NBPF11: variants seen among roughly 807,000 people sequenced by gnomAD.
The protein encoded by NBPF11 is NBPF member 11.
A neutral mutation model predicts 93.9 loss-of-function variants in NBPF11; 72 were observed. The observed-to-expected ratio is 0.77, with a 90% confidence interval of 0.63 to 0.93. The LOEUF (loss-of-function observed/expected upper bound fraction) is 0.93, where lower values mean the gene tolerates loss of function less well. Among genes scored for constraint, NBPF11 ranks in the 40% least tolerant of loss-of-function variants. The probability of loss-of-function intolerance (pLI) is 0.00; values close to 1 mark genes in which losing one functional copy is unlikely to be tolerated. For synonymous variants in NBPF11, 224 were observed against 304.9 expected, an observed-to-expected ratio of 0.73 and a Z score of 2.76; for missense variants, 705 against 802.2, an observed-to-expected ratio of 0.88 and a Z score of 1.46.
intron 16 of NBPF11, 34 bp from the exon 17 acceptor site, chr1:148,109,369 A>C: frequency 1.0e-6 from 1 of 993,930 alleles, no homozygotes; most frequent in East Asian, 2.4e-5. Context: ...CTCTTACATT[A>C]AGCAGTTCTT....
rs1664066235 is a variant in NBPF11 at position 148,107,704 on chromosome 1, A to C, written c.2078+7T>G. ...AGAATTAAGCATCCATAATTGCTCA[A>C]AGTTACCTGGGGCATGATGGGTCTT... On this transcript the variant is annotated splice_region_variant and intron_variant, in intron 19 of 23. Transcript: ENST00000682118. 1 of 783,996 alleles carries C rather than the reference A, an allele frequency of 1.3e-6. No individual in the cohort carries two copies. The highest frequency in any genetic ancestry group is 1.7e-5 in the African/African-American group (1 of 59,120). 48.6% of individuals were successfully genotyped at this position (783,996 alleles called of 1,614,324 possible).
intron 4 of NBPF11, among the ~76,000 whole-genome samples, chr1:148,129,102 A>G (rs1459404373): frequency 8.9e-6 from 1 of 112,556 alleles, no homozygotes; most frequent in Non-Finnish European, 1.9e-5. Context: ...ATATATATAT[A>G]TAATATATAT....
In NBPF11 at chr1:148,103,880, G is replaced by A; in HGVS notation, c.*16C>T. 6.2e-7 allele frequency: 1 copy of A among 1,611,168 alleles called. No individual in the cohort carries two copies. The highest frequency in any genetic ancestry group is 8.5e-7 in the Non-Finnish European group (1 of 1,179,280). On this transcript the variant is annotated 3_prime_UTR_variant, in exon 24 of 24. Coordinates refer to ENST00000682118, the MANE Select transcript of NBPF11 (RefSeq NM_001385469.3). The stretch of plus-strand genomic sequence containing the variant: ...ATCCAGTGAGTCCTGTAAGACTTCA[G>A]GCACTTCCACTTCCATCAGCACGCT...
At chr1:148,146,757 C>A in intron 1 of NBPF11, 2 of 1,612,980 alleles carry the variant, frequency 1.2e-6, no homozygotes, top group Non-Finnish European at 1.7e-6. Flanking sequence ...ACGGCAATGC[C>A]GTGGACCTGG....
rs1238754827 is a variant in NBPF11 at position 148,109,458 on chromosome 1, G to C, written c.1802-123C>G. On this transcript the variant is annotated intron_variant, in intron 16 of 23. Coordinates refer to ENST00000682118, the MANE Select transcript of NBPF11 (RefSeq NM_001385469.3). ...TGTCAGTGTGAAAACAGGAGACTTT[G>C]AGAGAAATATTCCAGTAGGCCTGAG... 549 of 787,238 alleles carry C rather than the reference G, an allele frequency of 7.0e-4. 6 individuals are homozygous for C. The highest frequency in any genetic ancestry group is 6.3e-3 in the South Asian group (458 of 72,520). 48.8% of individuals were successfully genotyped at this position (787,238 alleles called of 1,614,324 possible).
chr1:148,150,757 GCT>G (rs1472410560), intron 1 of NBPF11, among the ~76,000 whole-genome samples: 1 of 143,786 alleles, frequency 7.0e-6, no homozygotes, highest in East Asian at 2.0e-4. Flanking sequence ...AGGGAGTCTC[GCT>G]CTGTCACCCA....
At chr1:148,123,002 C>G (rs1553271953) in intron 7 of NBPF11, among the ~76,000 whole-genome samples, 1 of 151,872 alleles carries the variant, frequency 6.6e-6, no homozygotes, top group Non-Finnish European at 1.5e-5. Flanking sequence ...GGGCCACCAT[C>G]AAGATGTGGC....
At chr1:148,124,478 C>A (rs3881674) in intron 6 of NBPF11, among the ~76,000 whole-genome samples, 1 of 123,830 alleles carries the variant, frequency 8.1e-6, no homozygotes, top group South Asian at 2.7e-4. Flanking sequence ...ATTGAAAAGA[C>A]GAAAGAAGAA....
chr1:148,110,369 AGT>A lies in NBPF11; in HGVS notation c.1801+7_1801+8del, dbSNP rs1664956553. 6.4e-7 allele frequency: 1 copy of A among 1,574,336 alleles called. No individual in the cohort carries two copies. Among genetic ancestry groups the A allele is most frequent in the African/African-American group, 1.4e-5 (1 of 73,830 alleles). On this transcript the variant is annotated splice_region_variant and intron_variant, in intron 16 of 23. Coordinates refer to ENST00000682118, the MANE Select transcript of NBPF11 (RefSeq NM_001385469.3). ...TGGAGCTTTATCACCTTCACAATGG[AGT>A]ACTCACTGCCTATGTCAACAGCCAT...
intron 14 of NBPF11, among the ~76,000 whole-genome samples, chr1:148,115,153 G>A (rs1316597747): frequency 1.5e-5 from 1 of 68,798 alleles, no homozygotes; most frequent in South Asian, 7.3e-4. Flanking sequence ...TGACAGAGCA[G>A]GACTCCATCA....
rs7366841 is a variant in NBPF11 at position 148,143,226 on chromosome 1, G to A, written c.-277+189C>T. On this transcript the variant is annotated intron_variant, in intron 2 of 23. Coordinates refer to ENST00000682118, the MANE Select transcript of NBPF11 (RefSeq NM_001385469.3). ...ATCACTTTCACCCGACCATGGCACT[G>A]CAAGTCCAGGGCGGCACACGCTGTG... 6.3e-4 allele frequency among the ~76,000 whole-genome samples: 95 copies of A among 151,916 alleles called. 2 individuals are homozygous for A. Among genetic ancestry groups the A allele is most frequent in the Non-Finnish European group, 3.2e-4 (22 of 67,990 alleles).
At chr1:148,142,866 G>T (rs1175882473) in intron 2 of NBPF11, among the ~76,000 whole-genome samples, 2 of 152,150 alleles carry the variant, frequency 1.3e-5, no homozygotes, top group Non-Finnish European at 2.9e-5. Context: ...AGATGGGATC[G>T]GCCTTCAAAA....
intron 1 of NBPF11, among the ~76,000 whole-genome samples, chr1:148,145,539 A>G (rs1672859957): frequency 2.0e-5 from 3 of 149,606 alleles, no homozygotes; most frequent in Admixed American, 2.0e-4. Flanking sequence ...AGGACACAAT[A>G]AGCAGTAACC....
chr1:148,146,364 C>A (rs1306187284), intron 1 of NBPF11: 15 of 1,516,754 alleles, frequency 9.9e-6, no homozygotes, highest in Admixed American at 4.3e-5. Flanking sequence ...GCGGGGGCCC[C>A]GGTGGAGGCC....
At chr1:148,113,213 C>G (rs1254342670) in intron 15 of NBPF11, among the ~76,000 whole-genome samples, 1 of 151,874 alleles carries the variant, frequency 6.6e-6, no homozygotes, top group African/African-American at 2.4e-5. Flanking sequence ...GTGTGCTGTA[C>G]TCAGAAAACC....
At chr1:148,113,283 A>C (rs1204822202) in intron 15 of NBPF11, among the ~76,000 whole-genome samples, 1 of 151,982 alleles carries the variant, frequency 6.6e-6, no homozygotes, top group Non-Finnish European at 1.5e-5. Context: ...AGATCTACCA[A>C]GCAAATGGAA....
chr1:148,124,662 G>A (rs3881677), intron 6 of NBPF11, among the ~76,000 whole-genome samples: 29 of 151,470 alleles, frequency 1.9e-4, no homozygotes, highest in South Asian at 1.3e-3. Flanking sequence ...TGTTATGTAA[G>A]TTTCACCTCA....
At position 148,102,385 on chromosome 1, in the gene NBPF11, A is replaced by G. The variant is rs1423530089; in HGVS notation, c.*1511T>C. 6.6e-6 allele frequency: 1 copy of G among 151,842 alleles called. No homozygotes were observed. Among genetic ancestry groups the G allele is most frequent in the Non-Finnish European group, 1.5e-5 (1 of 68,032 alleles). 9.4% of individuals were successfully genotyped at this position (151,842 alleles called of 1,614,324 possible). On this transcript the variant is annotated 3_prime_UTR_variant, in exon 24 of 24. Coordinates refer to ENST00000682118, the MANE Select transcript of NBPF11 (RefSeq NM_001385469.3). ...GAGGATGATCATTAGAATACAGGAT[A>G]TTTATACTCTTGAAAACCACTTTCC...
In NBPF11 at chr1:148,103,801, G is replaced by C; in HGVS notation, c.*95C>G. 6.2e-7 allele frequency: 1 copy of C among 1,611,878 alleles called. No individual in the cohort carries two copies. On this transcript the variant is annotated 3_prime_UTR_variant, in exon 24 of 24. Coordinates refer to ENST00000682118, the MANE Select transcript of NBPF11 (RefSeq NM_001385469.3). The stretch of plus-strand genomic sequence containing the variant: ...CAAATGAGTAAAACACACTTCTGTA[G>C]TGCTGGAATGAGTCAGGTAGTTCAA...
Sources: gnomAD v4.1 joint callset for allele counts (sites outside exome capture counted in the v4.1 genomes callset) on GRCh38, gnomAD v4.1.1 for gene constraint, MANE v1.5 for transcripts, NCBI Gene and HGNC (gene_info 2026-07-23, HGNC 2026-07-21) for gene names.